ITGA1: variants seen among roughly 807,000 people sequenced by gnomAD.
ITGA1 encodes integrin alpha-1.
In ITGA1, 85 loss-of-function variants were observed where a neutral mutation model predicts 145.9. That is an observed-to-expected ratio of 0.58 (90% confidence interval 0.49 to 0.70). The LOEUF is 0.70. Ranked by LOEUF, ITGA1 falls within the 30% of genes least tolerant of loss-of-function variation. The pLI, the probability that ITGA1 is intolerant of heterozygous loss-of-function variation, is 0.00. For missense variants in ITGA1, 1,351 were observed against 1,418.7 expected (o/e 0.95, Z 0.77); for synonymous variants, 520 against 495.3 (o/e 1.05, Z -0.66).
At chr5:52,879,509 C>T (rs1270172836) in intron 6 of ITGA1, among the ~76,000 whole-genome samples, 3 of 152,000 alleles carry the variant, frequency 2.0e-5, no homozygotes, top group Non-Finnish European at 4.4e-5. Context: ...TGGATATGTC[C>T]CTTAATAATT....
intron 1 of ITGA1, among the ~76,000 whole-genome samples, chr5:52,807,590 C>A (rs1748611503): frequency 6.6e-6 from 1 of 152,048 alleles, no homozygotes; most frequent in Non-Finnish European, 1.5e-5. Context: ...TTTGATGACA[C>A]TAAATTTTAT....
At chr5:52,939,143 T>G (rs1420731660) in intron 24 of ITGA1, among the ~76,000 whole-genome samples, 3 of 152,176 alleles carry the variant, frequency 2.0e-5, no homozygotes, top group South Asian at 4.1e-4. Context: ...CCTCAGGTGA[T>G]CCACCCACCT....
Position 52,915,496 on chromosome 5 carries a change from G to GA in ITGA1, c.1893dup (p.Phe632IlefsTer15). 1 of 1,614,056 alleles carries GA rather than the reference G, an allele frequency of 6.2e-7. No homozygotes were observed. The highest frequency in any genetic ancestry group is 8.5e-7 in the Non-Finnish European group (1 of 1,179,956). On this transcript the variant is annotated frameshift_variant, in exon 15 of 29. Coordinates refer to ENST00000282588, the MANE Select transcript of ITGA1 (RefSeq NM_181501.2). LOFTEE classifies it high-confidence loss of function. ...CATCAGGTGGGGATGGTAAGACACT[G>GA]AAATTTTTTGGCCAGTCTATCCACG...
At chr5:52,833,637 G>C (rs1230664875) in intron 1 of ITGA1, among the ~76,000 whole-genome samples, 2 of 152,030 alleles carry the variant, frequency 1.3e-5, no homozygotes, top group Non-Finnish European at 2.9e-5. Flanking sequence ...GGCCATTTTT[G>C]TTGGTATTGA....
intron 2 of ITGA1, among the ~76,000 whole-genome samples, chr5:52,857,545 G>A (rs1245302997): frequency 6.6e-6 from 1 of 151,082 alleles, no homozygotes; most frequent in Non-Finnish European, 1.5e-5. Flanking sequence ...AATGAAATCT[G>A]CCACAAACAT....
At chr5:52,895,572 T>C (rs188819200) in intron 9 of ITGA1, among the ~76,000 whole-genome samples, 3 of 152,290 alleles carry the variant, frequency 2.0e-5, no homozygotes, top group East Asian at 3.9e-4. Flanking sequence ...GAATACAGTG[T>C]CATTTCTAAA....
chr5:52,833,160 C>T (rs1383968629), intron 1 of ITGA1, among the ~76,000 whole-genome samples: 1 of 150,352 alleles, frequency 6.7e-6, no homozygotes, highest in Non-Finnish European at 1.5e-5. Context: ...CCACTGCACT[C>T]CAACCTGAGT....
chr5:52,874,469 A>G (rs757962196), intron 6 of ITGA1, among the ~76,000 whole-genome samples: 1 of 151,904 alleles, frequency 6.6e-6, no homozygotes, highest in Non-Finnish European at 1.5e-5. Context: ...TCTTTTTCTT[A>G]AACACTCTTA....
intron 10 of ITGA1, 119 bp from the exon 11 acceptor site, chr5:52,898,120 A>G (rs1388198813): frequency 3.6e-6 from 2 of 550,884 alleles, no homozygotes; most frequent in South Asian, 5.8e-5. Flanking sequence ...TGAGGATTAT[A>G]TAAGCTAACA....
In ITGA1 at chr5:52,955,498, A is replaced by G. The variant is rs1306461992; in HGVS notation, c.*3047A>G. On this transcript the variant is annotated 3_prime_UTR_variant, in exon 29 of 29. Coordinates refer to ENST00000282588, the MANE Select transcript of ITGA1 (RefSeq NM_181501.2). The stretch of plus-strand genomic sequence containing the variant: ...ACTGATTATATCAAGCCCAGTAAAC[A>G]TAATGCTACACAGCACCCATTCTTT... The G allele has an allele frequency of 6.6e-6, 1 of 152,352 alleles. No homozygotes were observed. Among genetic ancestry groups the G allele is most frequent in the East Asian group, 1.9e-4 (1 of 5,188 alleles). The allele number at this position is 152,352 out of a possible 1,614,324, so 9.4% of individuals were successfully genotyped here.
chr5:52,901,791 T>A (rs1166187073), intron 11 of ITGA1: 1 of 152,206 alleles, frequency 6.6e-6, no homozygotes, highest in Admixed American at 6.5e-5. Flanking sequence ...GTATTTATAA[T>A]ATATGACTTC....
chr5:52,802,852 T>A (rs1378140304), intron 1 of ITGA1: 1 of 152,214 alleles, frequency 6.6e-6, no homozygotes, highest in Non-Finnish European at 1.5e-5. Flanking sequence ...TAAACTCCAA[T>A]ACTCTTTACT....
intron 20 of ITGA1, among the ~76,000 whole-genome samples, chr5:52,928,535 G>A (rs1272283652): frequency 6.6e-6 from 1 of 152,168 alleles, no homozygotes; most frequent in Non-Finnish European, 1.5e-5. Flanking sequence ...ATTGATTTTA[G>A]AACATTTTCA....
At chr5:52,829,855 A>G (rs1749031432) in intron 1 of ITGA1, among the ~76,000 whole-genome samples, 1 of 151,916 alleles carries the variant, frequency 6.6e-6, no homozygotes, top group African/African-American at 2.4e-5. Context: ...GTATTTGGTC[A>G]TTTTGAACAT....
intron 2 of ITGA1, among the ~76,000 whole-genome samples, chr5:52,860,377 C>G (rs1295230116): frequency 6.6e-6 from 1 of 151,896 alleles, no homozygotes; most frequent in East Asian, 1.9e-4. Context: ...GAAACCCTGT[C>G]TTTACTAAAA....
At chr5:52,873,224 C>T (rs1749806618) in intron 6 of ITGA1, among the ~76,000 whole-genome samples, 1 of 152,174 alleles carries the variant, frequency 6.6e-6, no homozygotes, top group Admixed American at 6.5e-5. Flanking sequence ...TTCCCCTGGA[C>T]AACCCTTTAC....
At chr5:52,819,088 A>G (rs369330528) in intron 1 of ITGA1, among the ~76,000 whole-genome samples, 84 of 152,316 alleles carry the variant, frequency 5.5e-4, no homozygotes, top group South Asian at 2.7e-3. Context: ...GCTATTGTGA[A>G]TAGTGCCGCA....
rs1480245650 is a variant in ITGA1, at chr5:52,937,417, C to A, written c.2981C>A (p.Ser994Tyr). ...NIFYLIRKSGSFPMPELKLSI... is the reference protein window; with the variant it reads ...NIFYLIRKSGYFPMPELKLSI... The stretch of plus-strand genomic sequence containing the variant: ...TTCTTGTAGATTAGAAAAAGTGGAT[C>A]TTTTCCAATGCCAGAGCTTAAGCTG... Residue 994 changes from serine to tyrosine, a missense_variant, in exon 24 of 29, where the codon TCT becomes TAT. By Grantham distance (144) the Ser-to-Tyr change is moderately radical (BLOSUM62 -2). Transcript: ENST00000282588. 3.1e-6 allele frequency: 5 copies of A among 1,610,864 alleles called. No individual in the cohort carries two copies. The highest frequency in any genetic ancestry group is 3.3e-5 in the Admixed American group (2 of 59,946).
chr5:52,867,690 TAA>T (rs1395747019), intron 6 of ITGA1, among the ~76,000 whole-genome samples: 3 of 151,964 alleles, frequency 2.0e-5, no homozygotes, highest in Non-Finnish European at 4.4e-5. Flanking sequence ...CATAGAGTCA[TAA>T]GATTAAAGCT....
Sources: gnomAD v4.1 joint callset for allele counts (sites outside exome capture counted in the v4.1 genomes callset) on GRCh38, gnomAD v4.1.1 for gene constraint, MANE v1.5 for transcripts, NCBI Gene and HGNC (gene_info 2026-07-23, HGNC 2026-07-21) for gene names.